The following PUS10 variants were observed in gnomAD, a reference collection of about 807,000 sequenced individuals.
PUS10 encodes pseudouridine synthase 10.
A neutral mutation model predicts 75.0 loss-of-function variants in PUS10; 59 were observed. That is an observed-to-expected ratio of 0.79 (90% CI 0.64 to 0.98). PUS10 has a LOEUF of 0.98. Ranked by LOEUF, PUS10 falls within the 50% of genes least tolerant of loss-of-function variation. The probability of loss-of-function intolerance (pLI) is 0.00; values close to 1 mark genes in which losing one functional copy is unlikely to be tolerated. For missense variants in PUS10, 650 were observed against 614.4 expected (o/e 1.06, Z -0.61); for synonymous variants, 219 against 211.6 (o/e 1.03, Z -0.30).
In PUS10 at chr2:61,010,469, G is replaced by A. The variant is rs116338774; in HGVS notation, c.126+1296C>T. On this transcript the variant is annotated intron_variant, in intron 2 of 17. Transcript: ENST00000316752. ...AGCCTCCCAAGTAGCTGGGATCACA[G>A]GCACCTGCCATGGCGCCCAGCTAAT... 1,593 of 212,624 alleles carry A rather than the reference G, an allele frequency of 7.5e-3. 10 individuals are homozygous for A. The highest frequency in any genetic ancestry group is 0.011 in the Non-Finnish European group (1,099 of 102,418). 13.2% of individuals were successfully genotyped at this position (212,624 alleles called of 1,614,324 possible). A position where few individuals can be genotyped will look rare whatever the true frequency, so the allele number is the denominator to read the frequency against.
intron 16 of PUS10, 89 bp downstream of exon 16, chr2:60,947,954 G>C: frequency 7.0e-7 from 1 of 1,419,964 alleles, no homozygotes; most frequent in Non-Finnish European, 9.9e-7. Flanking sequence ...ATCCCTCCCA[G>C]ACCAAGCTGA....
chr2:60,977,141 C>T (rs770290823), intron 4 of PUS10, among the ~76,000 whole-genome samples: 7 of 151,968 alleles, frequency 4.6e-5, no homozygotes, highest in Non-Finnish European at 8.8e-5. Context: ...GGTCTATGCC[C>T]GGGAATGGTG....
intron 3 of PUS10, among the ~76,000 whole-genome samples, chr2:61,007,640 G>A (rs1416515731): frequency 1.3e-5 from 2 of 151,224 alleles, no homozygotes; most frequent in African/African-American, 2.4e-5. Context: ...GTGGTGGCAC[G>A]TGCCTGTAAT....
At chr2:60,973,088 C>A (rs947399410) in intron 4 of PUS10, among the ~76,000 whole-genome samples, 1 of 152,346 alleles carries the variant, frequency 6.6e-6, no homozygotes, top group African/African-American at 2.4e-5. Flanking sequence ...TCTGCTCTCG[C>A]ATGGCCGGCC....
intron 2 of PUS10, chr2:61,010,930 T>C: frequency 6.5e-7 from 1 of 1,539,056 alleles, no homozygotes; most frequent in South Asian, 1.2e-5. Flanking sequence ...ACCTAATCAG[T>C]TATTATGAGA....
Position 60,941,714 on chromosome 2 carries a change from A to G in PUS10, c.*681T>C, listed in dbSNP as rs2104038098. ...ATTTATGAAAGGCTCCTACCATGGC[A>G]TGCCTTGGCTCCTACGGTTTTACTT... is the stretch of plus-strand genomic sequence containing the variant. On this transcript the variant is annotated 3_prime_UTR_variant, in exon 18 of 18. Coordinates refer to ENST00000316752, the MANE Select transcript of PUS10 (RefSeq NM_144709.4). 1 of 152,416 alleles carries G rather than the reference A, an allele frequency of 6.6e-6. No homozygotes were observed. Among genetic ancestry groups the G allele is most frequent in the South Asian group, 2.1e-4 (1 of 4,832 alleles). The allele number at this position is 152,416 out of a possible 1,614,324, so 9.4% of individuals were successfully genotyped here. A position where few individuals can be genotyped will look rare whatever the true frequency, so the allele number is the denominator to read the frequency against.
chr2:60,969,937 A>C (rs1676559281), intron 5 of PUS10, among the ~76,000 whole-genome samples: 1 of 152,102 alleles, frequency 6.6e-6, no homozygotes, highest in Admixed American at 6.5e-5. Flanking sequence ...AAAATACAAA[A>C]AAAATTAACC....
intron 4 of PUS10, among the ~76,000 whole-genome samples, chr2:61,003,989 C>G (rs899181143): frequency 6.6e-6 from 1 of 152,138 alleles, no homozygotes. Context: ...AAAATCAAAT[C>G]ATTCAAATGG....
intron 4 of PUS10, among the ~76,000 whole-genome samples, chr2:60,980,700 A>G (rs1385633160): frequency 1.3e-5 from 2 of 152,248 alleles, no homozygotes; most frequent in African/African-American, 4.8e-5. Flanking sequence ...TGAACACACA[A>G]TAAATGTGTA....
intron 2 of PUS10, chr2:61,010,778 C>T: frequency 5.2e-6 from 8 of 1,549,922 alleles, no homozygotes; most frequent in Non-Finnish European, 7.0e-6. Context: ...CTTCTAGTTC[C>T]AAATCCTAGG....
Position 60,940,446 on chromosome 2 carries a change from A to G in PUS10, c.*1949T>C, listed in dbSNP as rs1386709602. On this transcript the variant is annotated 3_prime_UTR_variant, in exon 18 of 18. Transcript: ENST00000316752. ...AAATGCTTTTATGTAGGCAAAAGGG[A>G]AACTATAGTACTCTCACTACTTAAT... The G allele has an allele frequency of 6.6e-6, 1 of 152,360 alleles. No homozygotes were observed. Among genetic ancestry groups the G allele is most frequent in the Non-Finnish European group, 1.5e-5 (1 of 68,018 alleles). The allele number at this position is 152,360 out of a possible 1,614,324, so 9.4% of individuals were successfully genotyped here. A position where few individuals can be genotyped will look rare whatever the true frequency, so the allele number is the denominator to read the frequency against.
At chr2:61,006,727 TCCAGGA>T in intron 3 of PUS10, 84 bp from the exon 4 acceptor site, 1 of 1,062,948 alleles carries the variant, frequency 9.4e-7, no homozygotes, top group Non-Finnish European at 1.4e-6. Context: ...GAATTTCTGG[TCCAGGA>T]GATGACATGG....
chr2:60,966,562 AC>A (rs1251641032), intron 6 of PUS10: 18 of 152,296 alleles, frequency 1.2e-4, no homozygotes, highest in Non-Finnish European at 7.4e-5. Context: ...CACTGATACA[AC>A]ATGTAAAATT....
intron 4 of PUS10, among the ~76,000 whole-genome samples, chr2:60,997,704 T>C (rs564087869): frequency 7.5e-4 from 114 of 152,240 alleles, no homozygotes; most frequent in Admixed American, 1.2e-3. Flanking sequence ...ACATTCATTG[T>C]ATAATAGTTT....
intron 4 of PUS10, among the ~76,000 whole-genome samples, chr2:60,989,741 C>G (rs1040978864): frequency 6.6e-6 from 1 of 152,132 alleles, no homozygotes; most frequent in East Asian, 1.9e-4. Flanking sequence ...GCCTCAGCCT[C>G]CCAAGTAGCT....
At chr2:60,978,196 T>G (rs1041324990) in intron 4 of PUS10, among the ~76,000 whole-genome samples, 1 of 151,234 alleles carries the variant, frequency 6.6e-6, no homozygotes, top group Non-Finnish European at 1.5e-5. Context: ...CTGAGGAGGG[T>G]GGATCACCTG....
At chr2:60,996,240 A>G (rs1022149952) in intron 4 of PUS10, among the ~76,000 whole-genome samples, 1 of 152,164 alleles carries the variant, frequency 6.6e-6, no homozygotes, top group African/African-American at 2.4e-5. Flanking sequence ...GATCTCTTCA[A>G]TATCTGCTTT....
chr2:60,943,142 T>C (rs1160564208), intron 17 of PUS10, among the ~76,000 whole-genome samples: 1 of 152,150 alleles, frequency 6.6e-6, no homozygotes, highest in African/African-American at 2.4e-5. Context: ...CTTCTGATCA[T>C]TTTTATTCTC....
At chr2:60,963,861 T>G (rs1676179831) in intron 8 of PUS10, among the ~76,000 whole-genome samples, 1 of 152,236 alleles carries the variant, frequency 6.6e-6, no homozygotes, top group Non-Finnish European at 1.5e-5. Context: ...CTATGATGCT[T>G]TAACAAAAAT....
Sources: allele counts gnomAD v4.1 joint callset (sites outside exome capture counted in the v4.1 genomes callset), GRCh38; gene constraint gnomAD v4.1.1; transcripts MANE v1.5; gene names NCBI Gene and HGNC (gene_info 2026-07-23, HGNC 2026-07-21).